The following ZNF347 variants were observed in gnomAD, a reference collection of about 807,000 sequenced individuals.
The protein encoded by ZNF347 is zinc finger protein 347.
ZNF347 carries 19 observed loss-of-function variants against 12.9 expected under a neutral mutation model. The observed-to-expected ratio is 1.47, with a 90% CI of 1.03 to 2.16. The LOEUF is 2.16. ZNF347 is among the 30% of genes most tolerant of loss of function. ZNF347 has a pLI of 0.00. For missense variants in ZNF347, 1,005 were observed against 990.6 expected (o/e 1.01, Z -0.19); for synonymous variants, 328 against 340.6 (o/e 0.96, Z 0.41).
At chr19:53,158,085 G>A (rs1441233684) in intron 1 of ZNF347, among the ~76,000 whole-genome samples, 1 of 152,160 alleles carries the variant, frequency 6.6e-6, no homozygotes, top group African/African-American at 2.4e-5. Context: ...TTCACAGGAA[G>A]GTTTGGACTA....
At position 53,135,317 on chromosome 19, in the gene ZNF347, TATATATATATATATATATATATAGAG is replaced by T. The variant is rs1225170939; in HGVS notation, c.*4965_*4990del. ...TTTTCTAAATATATATATATATATATATATATATATATATATATATATAGAGAGAGAGAGAGAGAGAGAGAGAGAGA... is the reference window on the plus strand; with the variant it reads ...TTTTCTAAATATATATATATATATATAGAGAGAGAGAGAGAGAGAGAGAGA... On this transcript the variant is annotated 3_prime_UTR_variant, in exon 5 of 5. Coordinates refer to ENST00000334197, the MANE Select transcript of ZNF347 (RefSeq NM_032584.3). 1.4e-3 allele frequency: 39 copies of T among 28,522 alleles called. No individual in the cohort carries two copies. Among genetic ancestry groups the T allele is most frequent in the African/African-American group, 2.9e-3 (30 of 10,306 alleles). The allele number at this position is 28,522 out of a possible 1,614,324, so 1.8% of individuals were successfully genotyped here.
Position 53,141,156 on chromosome 19 carries a change from T to C in ZNF347, c.1672A>G (p.Thr558Ala), listed in dbSNP as rs2090422819. Residue 558 changes from threonine (T) to alanine (A), a missense_variant, in exon 5 of 5, where the codon ACC becomes GCC. Thr to Ala is a moderately conservative substitution (Grantham distance 58). Coordinates refer to ENST00000334197, the MANE Select transcript of ZNF347 (RefSeq NM_032584.3). ...TCTCCAGTATGGATGACCTGATGGG[T>C]AGTTAGGCTTGAATACACACTGAAG... ...KAFSVYSSLTTHQVIHTGEKP... is the reference protein window; with the variant it reads ...KAFSVYSSLTAHQVIHTGEKP... The C allele has an allele frequency of 6.2e-7, 1 of 1,608,828 alleles. No individual in the cohort carries two copies. The highest frequency in any genetic ancestry group is 8.5e-7 in the Non-Finnish European group (1 of 1,175,928).
At chr19:53,156,153 C>T (rs1478128404) in intron 1 of ZNF347, among the ~76,000 whole-genome samples, 3 of 151,788 alleles carry the variant, frequency 2.0e-5, no homozygotes, top group African/African-American at 7.3e-5. Flanking sequence ...AGTCCCAGCA[C>T]TTTGGGAGGC....
rs532578486 is a variant in ZNF347 at position 53,157,954 on chromosome 19, C to T, written c.-47+1055G>A. Among the ~76,000 whole-genome samples, 32 of 152,304 alleles carry T rather than the reference C, an allele frequency of 2.1e-4. No individual in the cohort carries two copies. The East Asian group carries it at 6.0e-3, about 29-fold the overall frequency. On this transcript the variant is annotated intron_variant, in intron 1 of 4. Transcript: ENST00000334197. ...TCCTTCTCTTACCATCTGCAAATCC[C>T]TCGCCCATCCTCTACTTTGCCATCT...
rs552905775 is a variant in ZNF347, at chr19:53,141,726, T to C, written c.1102A>G (p.Thr368Ala). The C allele has an allele frequency of 6.2e-7, 1 of 1,614,012 alleles. No homozygotes were observed. Among genetic ancestry groups the C allele is most frequent in the South Asian group, 1.1e-5 (1 of 91,072 alleles). Residue 368 changes from threonine (T) to alanine (A), a missense_variant, in exon 5 of 5, where the codon ACT becomes GCT. Physicochemically the swap from Thr to Ala is moderately conservative, Grantham distance 58 (BLOSUM62 0). Coordinates refer to ENST00000334197, the MANE Select transcript of ZNF347 (RefSeq NM_032584.3). ...SHLVRHRGIH[T>A]GEKPYKCNEC... The stretch of plus-strand genomic sequence containing the variant: ...TTACACTTGTAAGGTTTCTCTCCAG[T>C]ATGAATTCCTCGATGTCTTACAAGG...
At position 53,142,105 on chromosome 19, in the gene ZNF347, A is replaced by G. The variant is rs1406974085; in HGVS notation, c.723T>C (p.Asp241=). The G allele has an allele frequency of 3.7e-6, 6 of 1,612,736 alleles. No individual in the cohort carries two copies. Among genetic ancestry groups the G allele is most frequent in the Non-Finnish European group, 4.2e-6 (5 of 1,179,688 alleles). The change falls in exon 5 of 5, where the codon GAT becomes GAC. Residue 241 remains aspartate (D), a synonymous_variant. Coordinates refer to ENST00000334197, the MANE Select transcript of ZNF347 (RefSeq NM_032584.3). ...GTGTGAGTAATAAAGAAGAGATAAA[A>G]TCTTTGAGATATTTCTTAGAAATGT... The part of the protein sequence containing the change: ...KTHISKKYLK[D]FISSLLLTQG...
chr19:53,155,720 T>C (rs2090529139), intron 1 of ZNF347, among the ~76,000 whole-genome samples: 1 of 151,850 alleles, frequency 6.6e-6, no homozygotes, highest in South Asian at 2.1e-4. Context: ...GCTTTACAGA[T>C]TGTGAAGGAA....
chr19:53,151,537 A>T (rs1388038411), intron 2 of ZNF347, among the ~76,000 whole-genome samples: 1 of 91,064 alleles, frequency 1.1e-5, no homozygotes, highest in Non-Finnish European at 2.3e-5. Flanking sequence ...GACTGTCTAA[A>T]AAAAAAAAAA....
chr19:53,138,333 G>C lies in ZNF347; in HGVS notation c.*1975C>G, dbSNP rs1430878198. ...GGGTTTTGCCATGTTGTCCTGGCTG[G>C]TTCAAACTCCTGGACTCAAGTGACC... On this transcript the variant is annotated 3_prime_UTR_variant, in exon 5 of 5. Coordinates refer to ENST00000334197, the MANE Select transcript of ZNF347 (RefSeq NM_032584.3). 1 of 151,684 alleles carries C rather than the reference G, an allele frequency of 6.6e-6. No individual in the cohort carries two copies. Among genetic ancestry groups the C allele is most frequent in the Non-Finnish European group, 1.5e-5 (1 of 67,996 alleles). The allele number at this position is 151,684 out of a possible 1,614,324, so 9.4% of individuals were successfully genotyped here.
At position 53,141,240 on chromosome 19, in the gene ZNF347, T is replaced by C. The variant is rs752453852; in HGVS notation, c.1588A>G (p.Asn530Asp). Residue 530 changes from asparagine (N) to aspartate (D), a missense_variant, in exon 5 of 5, where the codon AAT (asparagine) becomes GAT (aspartate). By Grantham distance (23) the Asn-to-Asp change is conservative. Transcript: ENST00000334197. ...KVFTQNSHLANHQRIHTGVKP... is the reference protein window; with the variant it reads ...KVFTQNSHLADHQRIHTGVKP... ...ACTCCAGTATGAATTCTTTGATGAT[T>C]TGCAAGGTGTGAATTTTGAGTGAAG... 6 of 1,613,860 alleles carry C rather than the reference T, an allele frequency of 3.7e-6. No homozygotes were observed. In the South Asian group the frequency reaches 5.5e-5, roughly 15 times the overall value.
intron 1 of ZNF347, among the ~76,000 whole-genome samples, chr19:53,155,693 A>T (rs537046667): frequency 1.3e-5 from 2 of 152,164 alleles, no homozygotes; most frequent in South Asian, 2.1e-4. Context: ...AATTCCCTTG[A>T]AGTTAAAATT....
rs1249301291 is a variant in ZNF347, at chr19:53,141,437, T to C, written c.1391A>G (p.Lys464Arg). ...AAGGTGTGAATTACGCCTAAAGACCTTGCCGCATTCATGACATTTGTAAGG... is the reference window on the plus strand; with the variant it reads ...AAGGTGTGAATTACGCCTAAAGACCCTGCCGCATTCATGACATTTGTAAGG... ...EKPYKCHECG[K>R]VFRRNSHLAR... Residue 464 changes from lysine (K) to arginine (R), a missense_variant, in exon 5 of 5, where the codon AAG becomes AGG. Coordinates refer to ENST00000334197, the MANE Select transcript of ZNF347 (RefSeq NM_032584.3). The C allele has an allele frequency of 2.5e-6, 4 of 1,613,870 alleles. No individual in the cohort carries two copies. The highest frequency in any genetic ancestry group is 2.2e-5 in the East Asian group (1 of 44,850).
intron 2 of ZNF347, among the ~76,000 whole-genome samples, chr19:53,150,419 T>C (rs920913505): frequency 4.6e-5 from 7 of 152,248 alleles, no homozygotes; most frequent in African/African-American, 1.4e-4. Context: ...TGTCTTCTTA[T>C]ACTCTTCTAT....
intron 1 of ZNF347, among the ~76,000 whole-genome samples, chr19:53,156,050 G>GGGGTGA (rs1184119381): frequency 7.3e-6 from 1 of 136,922 alleles, no homozygotes; most frequent in Non-Finnish European, 1.6e-5. Flanking sequence ...CAGCTCGGGG[G>GGGGTGA]GGGGGGGGGG....
At chr19:53,143,724 A>G (rs927759181) in intron 4 of ZNF347, among the ~76,000 whole-genome samples, 1 of 152,050 alleles carries the variant, frequency 6.6e-6, no homozygotes. Flanking sequence ...ATGATTTATA[A>G]TCCTTTGGGT....
At chr19:53,153,896 C>T in intron 1 of ZNF347, 103 bp from the exon 2 acceptor site, 4 of 807,722 alleles carry the variant, frequency 5.0e-6, no homozygotes, top group African/African-American at 3.4e-5. Flanking sequence ...CACAATCACA[C>T]ACACACACAG....
intron 1 of ZNF347, among the ~76,000 whole-genome samples, chr19:53,156,417 A>AG (rs1014349813): frequency 2.0e-4 from 30 of 152,120 alleles, no homozygotes; most frequent in African/African-American, 7.2e-4. Flanking sequence ...AAAAAAAAAA[A>AG]AAGACTGCAT....
In ZNF347 at chr19:53,140,982, G is replaced by C; in HGVS notation, c.1846C>G (p.Gln616Glu). The C allele has an allele frequency of 6.2e-7, 1 of 1,613,804 alleles. No individual in the cohort carries two copies. Among genetic ancestry groups the C allele is most frequent in the Non-Finnish European group, 8.5e-7 (1 of 1,180,006 alleles). ...FRHNSYLSRH[Q>E]RIHTGEKPYK... The stretch of plus-strand genomic sequence containing the variant: ...GGTTTCTCTCCAGTATGAATTCGCT[G>C]ATGCCTTGAAAGGTATGAATTATGC... The change falls in exon 5 of 5, where the codon CAG (glutamine) becomes GAG (glutamate). Residue 616 changes from glutamine (Q) to glutamate (E), a missense_variant. Gln to Glu is a conservative substitution (Grantham distance 29). Transcript: ENST00000334197.
rs1403580280 is a variant in ZNF347 at position 53,153,775 on chromosome 19, T to G, written c.-28A>C. ...CTGACTTGTCTTTCTTTCCTCTTCC[T>G]CTTCTTCAAGGGTTCTTCCTTAGGT... is the stretch of plus-strand genomic sequence containing the variant. On this transcript the variant is annotated 5_prime_UTR_variant, in exon 2 of 5. Transcript: ENST00000334197. 3.7e-6 allele frequency: 6 copies of G among 1,614,076 alleles called. No homozygotes were observed. In the South Asian group the frequency reaches 5.5e-5, roughly 15 times the overall value.
Sources: gnomAD v4.1 joint callset for allele counts (sites outside exome capture counted in the v4.1 genomes callset) on GRCh38, gnomAD v4.1.1 for gene constraint, MANE v1.5 for transcripts, NCBI Gene and HGNC (gene_info 2026-07-23, HGNC 2026-07-21) for gene names.